Variants in PATJ observed in about 807,000 individuals in gnomAD.
PATJ encodes the protein PATJ crumbs cell polarity complex component.
PATJ carries 190 observed loss-of-function variants against 224.9 expected under a neutral mutation model. That is an observed-to-expected ratio of 0.84 (90% CI 0.75 to 0.95). The LOEUF is 0.95. Among genes scored for constraint, PATJ ranks in the 40% least tolerant of loss-of-function variants. The pLI, the probability that PATJ is intolerant of heterozygous loss-of-function variation, is 0.00. For missense variants in PATJ, 2,121 were observed against 2,270.3 expected (o/e 0.93, Z 1.34); for synonymous variants, 769 against 820.3 (o/e 0.94, Z 1.07).
chr1:61,809,497 C>T (rs1654265032), intron 14 of PATJ, among the ~76,000 whole-genome samples: 2 of 151,494 alleles, frequency 1.3e-5, no homozygotes, highest in African/African-American at 4.9e-5. Flanking sequence ...AAGCGATTCT[C>T]CTGCCTCAGC....
At chr1:62,005,142 AT>A (rs559515793) in intron 28 of PATJ, among the ~76,000 whole-genome samples, 224 of 145,814 alleles carry the variant, frequency 1.5e-3, no homozygotes, top group African/African-American at 2.4e-3. Flanking sequence ...ATTTTTTAGG[AT>A]TTTTTTTTTT....
intron 27 of PATJ, among the ~76,000 whole-genome samples, chr1:61,954,637 G>A (rs1680172498): frequency 6.6e-6 from 1 of 152,034 alleles, no homozygotes; most frequent in African/African-American, 2.4e-5. Context: ...AATGTAATGG[G>A]GCAGGAGGTA....
intron 29 of PATJ, among the ~76,000 whole-genome samples, chr1:62,026,583 G>A (rs1217127372): frequency 6.6e-6 from 1 of 151,964 alleles, no homozygotes; most frequent in Non-Finnish European, 1.5e-5. Flanking sequence ...AAGTCAGCCT[G>A]CTCAACAATC....
chr1:61,981,141 G>C (rs187811212), intron 27 of PATJ, among the ~76,000 whole-genome samples: 2 of 152,106 alleles, frequency 1.3e-5, no homozygotes, highest in Admixed American at 6.5e-5. Context: ...TGTTAGATTA[G>C]TCTTGTGAAG....
At chr1:61,768,611 A>G (rs947564247) in intron 4 of PATJ, among the ~76,000 whole-genome samples, 1 of 151,882 alleles carries the variant, frequency 6.6e-6, no homozygotes, top group African/African-American at 2.4e-5. Flanking sequence ...TTAAAAATAT[A>G]TTTTGCGGCT....
At chr1:61,818,172 C>G (rs939283191) in intron 14 of PATJ, among the ~76,000 whole-genome samples, 1 of 152,224 alleles carries the variant, frequency 6.6e-6, no homozygotes, top group African/African-American at 2.4e-5. Context: ...GGGCAGAAGG[C>G]CTCAAGCCTT....
intron 22 of PATJ, among the ~76,000 whole-genome samples, chr1:61,890,491 GT>G (rs201940493): frequency 2.7e-5 from 4 of 150,632 alleles, no homozygotes; most frequent in South Asian, 2.1e-4. Flanking sequence ...TTTTTTATTG[GT>G]TTTTTTTTCC....
At chr1:61,999,195 C>T (rs1207988724) in intron 28 of PATJ, among the ~76,000 whole-genome samples, 1 of 152,066 alleles carries the variant, frequency 6.6e-6, no homozygotes, top group Admixed American at 6.6e-5. Context: ...GCGATTTTCC[C>T]CCATGTCTTC....
At chr1:61,779,177 A>G (rs890705973) in intron 7 of PATJ, among the ~76,000 whole-genome samples, 1 of 152,250 alleles carries the variant, frequency 6.6e-6, no homozygotes, top group Non-Finnish European at 1.5e-5. Context: ...AACAGAACCA[A>G]TAGGACATGC....
In PATJ at chr1:62,055,583, T is replaced by G. The variant is rs1654402424; in HGVS notation, c.4125+4525T>G. On this transcript the variant is annotated intron_variant, in intron 31 of 43. Transcript: ENST00000642238. ...AAGTACTACTTAATCCATACCAGAG[T>G]GCGCTGTAGTCACTGTCAAAGAGTG... Among the ~76,000 whole-genome samples the G allele has an allele frequency of 2.6e-5, 4 of 152,044 alleles. No individual in the cohort carries two copies. In the South Asian group the frequency reaches 8.3e-4, roughly 32 times the overall value.
intron 17 of PATJ, among the ~76,000 whole-genome samples, chr1:61,847,114 T>G (rs1379429256): frequency 6.6e-6 from 1 of 152,194 alleles, no homozygotes; most frequent in Non-Finnish European, 1.5e-5. Context: ...ATCCAAGGAA[T>G]GTATCTAATA....
intron 29 of PATJ, among the ~76,000 whole-genome samples, chr1:62,024,986 C>G (rs1647571005): frequency 6.6e-6 from 1 of 152,202 alleles, no homozygotes; most frequent in Non-Finnish European, 1.5e-5. Context: ...TAGTTCCCAA[C>G]TGTCCCAAGC....
intron 36 of PATJ, 75 bp downstream of exon 36, chr1:62,116,754 T>G: frequency 1.4e-6 from 2 of 1,412,204 alleles, no homozygotes; most frequent in Admixed American, 2.4e-5. Context: ...CTAGCTTGAT[T>G]ATAAAATGGG....
At chr1:62,075,811 G>A (rs896616324) in intron 31 of PATJ, among the ~76,000 whole-genome samples, 5 of 151,876 alleles carry the variant, frequency 3.3e-5, no homozygotes, top group African/African-American at 7.3e-5. Flanking sequence ...CCAGCTACTC[G>A]GGAGGCTGAG....
At chr1:61,831,624 A>G (rs1448379036) in intron 16 of PATJ, among the ~76,000 whole-genome samples, 1 of 152,210 alleles carries the variant, frequency 6.6e-6, no homozygotes, top group Non-Finnish European at 1.5e-5. Context: ...TCAAAACTAC[A>G]ATGAGATACC....
chr1:61,752,138 C>CA (rs33975795), intron 1 of PATJ, among the ~76,000 whole-genome samples: 6,638 of 117,896 alleles, frequency 0.056, 270 homozygotes, highest in Non-Finnish European at 0.074. Flanking sequence ...AACATCATCT[C>CA]AAAAAAAAAA....
chr1:62,100,212 A>G (rs915916466), intron 33 of PATJ: 3 of 558,916 alleles, frequency 5.4e-6, no homozygotes, highest in Admixed American at 5.7e-5. Context: ...GTGTGTCACT[A>G]TTATTTTACC....
In PATJ at chr1:61,897,371, T is replaced by G. The variant is rs560762695; in HGVS notation, c.3132-2212T>G. ...TCATAAACAGAAACCCCATTTAGTGTGGCTTAACCAAATAAAGGCAAGTTT... is the reference window on the plus strand; with the variant it reads ...TCATAAACAGAAACCCCATTTAGTGGGGCTTAACCAAATAAAGGCAAGTTT... On this transcript the variant is annotated intron_variant, in intron 22 of 43. Coordinates refer to ENST00000642238, the MANE Select transcript of PATJ (RefSeq NM_001350145.3). 2.0e-5 allele frequency among the ~76,000 whole-genome samples: 3 copies of G among 152,338 alleles called. No homozygotes were observed. In the East Asian group the frequency reaches 5.8e-4, roughly 29 times the overall value.
chr1:61,816,935 G>C (rs1656222549), intron 14 of PATJ, among the ~76,000 whole-genome samples: 1 of 152,156 alleles, frequency 6.6e-6, no homozygotes, highest in Non-Finnish European at 1.5e-5. Flanking sequence ...TAGGTTTGGG[G>C]TAAGGTTCCT....
Sources: gnomAD v4.1 joint callset for allele counts (sites outside exome capture counted in the v4.1 genomes callset) on GRCh38, gnomAD v4.1.1 for gene constraint, MANE v1.5 for transcripts, NCBI Gene and HGNC (gene_info 2026-07-23, HGNC 2026-07-21) for gene names.